ARHGEF28: variants seen among roughly 807,000 people sequenced by gnomAD.
ARHGEF28 encodes 190 kDa guanine nucleotide exchange factor.
A neutral mutation model predicts 206.6 loss-of-function variants in ARHGEF28; 152 were observed. The observed-to-expected ratio is 0.74, with a 90% CI of 0.64 to 0.84. The LOEUF is 0.84. Among genes scored for constraint, ARHGEF28 ranks in the 40% least tolerant of loss-of-function variants. The probability of loss-of-function intolerance (pLI) is 0.00; values close to 1 mark genes in which losing one functional copy is unlikely to be tolerated. For missense variants in ARHGEF28, 2,028 were observed against 2,073.2 expected (o/e 0.98, Z 0.42); for synonymous variants, 763 against 776.4 (o/e 0.98, Z 0.29).
intron 1 of ARHGEF28, among the ~76,000 whole-genome samples, chr5:73,663,944 CA>C (rs1745780566): frequency 6.6e-6 from 1 of 152,216 alleles, no homozygotes; most frequent in Non-Finnish European, 1.5e-5. Context: ...ATCACAATAG[CA>C]ATTTTTTGAC....
At chr5:73,733,471 G>A (rs2112355051) in intron 2 of ARHGEF28, among the ~76,000 whole-genome samples, 1 of 152,292 alleles carries the variant, frequency 6.6e-6, no homozygotes, top group East Asian at 1.9e-4. Flanking sequence ...AGGGCTGGCT[G>A]ACTTAACCAT....
chr5:73,762,331 C>T (rs1475851926), intron 4 of ARHGEF28, among the ~76,000 whole-genome samples: 1 of 151,542 alleles, frequency 6.6e-6, no homozygotes, highest in Non-Finnish European at 1.5e-5. Flanking sequence ...TGGTGCATGC[C>T]TGTAATCCCA....
chr5:73,905,653 T>A (rs1430458708), intron 33 of ARHGEF28, among the ~76,000 whole-genome samples: 1 of 152,198 alleles, frequency 6.6e-6, no homozygotes, highest in Non-Finnish European at 1.5e-5. Flanking sequence ...ATTGCATACT[T>A]TTTAATGATT....
At chr5:73,916,468 G>C (rs1387790595) in intron 35 of ARHGEF28, among the ~76,000 whole-genome samples, 2 of 152,160 alleles carry the variant, frequency 1.3e-5, no homozygotes, top group Admixed American at 6.5e-5. Flanking sequence ...TAGGGATCAA[G>C]GTGTTGGCAG....
chr5:73,758,321 CAT>C (rs1437420972), intron 4 of ARHGEF28, among the ~76,000 whole-genome samples: 1 of 152,154 alleles, frequency 6.6e-6, no homozygotes, highest in Non-Finnish European at 1.5e-5. Flanking sequence ...ATATTTCTCA[CAT>C]ATGTTTACAC....
chr5:73,840,881 T>A, intron 11 of ARHGEF28, 121 bp downstream of exon 11: 1 of 1,145,552 alleles, frequency 8.7e-7, no homozygotes, highest in Non-Finnish European at 1.2e-6. Flanking sequence ...CATCAAAATG[T>A]CCCCTTTTAG....
chr5:73,835,228 T>C (rs909045040), intron 10 of ARHGEF28: 3 of 152,142 alleles, frequency 2.0e-5, no homozygotes, highest in African/African-American at 7.3e-5. Context: ...TCCCAGCACT[T>C]TGGGAGGCCG....
Position 73,646,216 on chromosome 5 carries a change from A to G in ARHGEF28, c.-12+19894A>G, listed in dbSNP as rs560327127. 2.2e-4 allele frequency among the ~76,000 whole-genome samples: 33 copies of G among 152,252 alleles called. No individual in the cohort carries two copies. The South Asian group carries it at 6.4e-3, about 30-fold the overall frequency. ...GTTGCACAGGCTTTAATTCTGACAC[A>G]TCCTCTTCATGCTGTATTGCTGCAA... On this transcript the variant is annotated intron_variant, in intron 1 of 35. Coordinates refer to ENST00000513042, the MANE Select transcript of ARHGEF28 (RefSeq NM_001177693.2).
intron 1 of ARHGEF28, among the ~76,000 whole-genome samples, chr5:73,628,395 A>G (rs547922670): frequency 6.6e-6 from 1 of 152,218 alleles, no homozygotes; most frequent in East Asian, 1.9e-4. Flanking sequence ...AGAAAAAAAG[A>G]TTCATGATAT....
At position 73,701,661 on chromosome 5, in the gene ARHGEF28, T is replaced by A. The variant is rs137937300; in HGVS notation, c.33+16777T>A. On this transcript the variant is annotated intron_variant, in intron 2 of 35. Coordinates refer to ENST00000513042, the MANE Select transcript of ARHGEF28 (RefSeq NM_001177693.2). ...GACAACCATTAATCTGTTCTTGATC[T>A]CTATAATTTTGTCATTTCAAGAATG... 1.0e-2 allele frequency among the ~76,000 whole-genome samples: 1,521 copies of A among 152,274 alleles called. 12 individuals carry two copies. Among genetic ancestry groups the A allele is most frequent in the African/African-American group, 0.03 (1,251 of 41,542 alleles).
At chr5:73,637,553 A>G (rs1333825560) in intron 1 of ARHGEF28, among the ~76,000 whole-genome samples, 1 of 152,206 alleles carries the variant, frequency 6.6e-6, no homozygotes, top group African/African-American at 2.4e-5. Context: ...GATTTGGACA[A>G]TGGATTTATT....
chr5:73,678,728 A>G (rs1408415607), intron 1 of ARHGEF28, among the ~76,000 whole-genome samples: 1 of 152,124 alleles, frequency 6.6e-6, no homozygotes, highest in Admixed American at 6.6e-5. Flanking sequence ...AAAAATACTT[A>G]TAGCTTGACA....
At chr5:73,680,434 CAAAAAAAAA>C (rs71615795) in intron 1 of ARHGEF28, among the ~76,000 whole-genome samples, 5 of 30,512 alleles carry the variant, frequency 1.6e-4, no homozygotes, top group African/African-American at 3.5e-4. Flanking sequence ...GACTCCATCT[CAAAAAAAAA>C]AAAAAAAAAA....
At chr5:73,796,351 T>C (rs1396586585) in intron 9 of ARHGEF28, among the ~76,000 whole-genome samples, 1 of 151,974 alleles carries the variant, frequency 6.6e-6, no homozygotes, top group East Asian at 1.9e-4. Context: ...AGGGGTGAGG[T>C]GTTGCTGATG....
chr5:73,933,061 C>T (rs1049672943), intron 35 of ARHGEF28, among the ~76,000 whole-genome samples: 89 of 152,156 alleles, frequency 5.8e-4, no homozygotes, highest in African/African-American at 2.0e-3. Context: ...CCGCCCGTCT[C>T]GGCCTCCCAA....
At chr5:73,722,297 A>G (rs1233984736) in intron 2 of ARHGEF28, among the ~76,000 whole-genome samples, 3 of 152,252 alleles carry the variant, frequency 2.0e-5, no homozygotes, top group Non-Finnish European at 4.4e-5. Context: ...TTTAATTCCC[A>G]TTACTTACCC....
rs911804773 is a variant in ARHGEF28, at chr5:73,693,728, C to T, written c.33+8844C>T. 2.0e-5 allele frequency among the ~76,000 whole-genome samples: 3 copies of T among 152,192 alleles called. No homozygotes were observed. In the South Asian group the frequency reaches 6.2e-4, roughly 32 times the overall value. On this transcript the variant is annotated intron_variant, in intron 2 of 35. Transcript: ENST00000513042. ...GCATGTGCATCTCAGAGGATTGCCA[C>T]CTGCTGGGGTGTTTCTGCCATTGTC...
chr5:73,889,395 G>A (rs548283175), intron 26 of ARHGEF28, among the ~76,000 whole-genome samples: 2 of 152,352 alleles, frequency 1.3e-5, no homozygotes, highest in East Asian at 3.9e-4. Flanking sequence ...AAAGGACTCA[G>A]CTGGAAATTG....
chr5:73,864,071 C>T (rs1468978609), intron 16 of ARHGEF28, among the ~76,000 whole-genome samples: 2 of 152,098 alleles, frequency 1.3e-5, no homozygotes, highest in African/African-American at 2.4e-5. Flanking sequence ...GTCTATGCTA[C>T]AGTGTGTGTG....
Sources: allele counts gnomAD v4.1 joint callset (sites outside exome capture counted in the v4.1 genomes callset), GRCh38; gene constraint gnomAD v4.1.1; transcripts MANE v1.5; gene names NCBI Gene and HGNC (gene_info 2026-07-23, HGNC 2026-07-21).